CCND2: variants seen among roughly 807,000 people sequenced by gnomAD.
CCND2 encodes the protein cyclin D2.
CCND2 carries 6 observed loss-of-function variants against 30.2 expected under a neutral mutation model. The observed-to-expected ratio is 0.20, with a 90% confidence interval of 0.11 to 0.39. The LOEUF (loss-of-function observed/expected upper bound fraction) is 0.39. Among genes scored for constraint, CCND2 ranks in the 10% least tolerant of loss-of-function variants. The pLI is 1.00. For synonymous variants in CCND2, 150 were observed against 153.1 expected, an observed-to-expected ratio of 0.98 and a Z score of 0.15; for missense variants, 235 against 373.4, an observed-to-expected ratio of 0.63 and a Z score of 3.06.
Position 4,304,927 on chromosome 12 carries a change from C to G in CCND2, c.*4918C>G, listed in dbSNP as rs1326966289. ...TTCATCACCCTTATATCATGTACCTCAGATCTCTCTCTCTCTCCTCTCTCT... is the reference window on the plus strand; with the variant it reads ...TTCATCACCCTTATATCATGTACCTGAGATCTCTCTCTCTCTCCTCTCTCT... On this transcript the variant is annotated 3_prime_UTR_variant, in exon 5 of 5. Coordinates refer to ENST00000261254, the MANE Select transcript of CCND2 (RefSeq NM_001759.4). This position sits in a 1 kb window ranked among gnomAD's most constrained non-coding sequence, Gnocchi z 6.2. 2.1e-5 allele frequency: 5 copies of G among 233,420 alleles called. No individual in the cohort carries two copies. The allele number at this position is 233,420 out of a possible 1,614,324, so 14.5% of individuals were successfully genotyped here.
In CCND2 at chr12:4,288,876, C is replaced by G; in HGVS notation, c.606C>G (p.Ile202Met). ...TTGCCATGTACCCACCGTCGATGAT[C>G]GCAACTGGAAGTGTGGGAGCAGCCA... ...FKFAMYPPSM[I>M]ATGSVGAAIC... The change falls in exon 4 of 5, where the codon ATC (isoleucine) becomes ATG (methionine). Residue 202 changes from isoleucine (I) to methionine (M), a missense_variant. Physicochemically the swap from Ile to Met is conservative, Grantham distance 10 (BLOSUM62 1). Transcript: ENST00000261254. 1.2e-6 allele frequency: 2 copies of G among 1,613,514 alleles called. No homozygotes were observed. The highest frequency in any genetic ancestry group is 2.2e-5 in the East Asian group (1 of 44,756).
intron 4 of CCND2, among the ~76,000 whole-genome samples, chr12:4,291,207 CTGTGTGTGTGTG>C (rs1320194012): frequency 1.5e-4 from 21 of 138,714 alleles, no homozygotes; most frequent in African/African-American, 4.8e-4. Flanking sequence ...CTGGGCTAGG[CTGTGTGTGTGTG>C]TGTGTGTGTG....
At chr12:4,290,172 C>T (rs1331705037) in intron 4 of CCND2, among the ~76,000 whole-genome samples, 2 of 152,234 alleles carry the variant, frequency 1.3e-5, no homozygotes, top group African/African-American at 4.8e-5. Flanking sequence ...GAGCCCACGG[C>T]TGCAGCTCGC....
chr12:4,291,010 C>T (rs1281758613), intron 4 of CCND2, among the ~76,000 whole-genome samples: 2 of 152,154 alleles, frequency 1.3e-5, no homozygotes, highest in African/African-American at 4.8e-5. Context: ...GCCTCATTCA[C>T]ACCGGTGGAC....
At chr12:4,295,610 CTA>C (rs1221379183) in intron 4 of CCND2, among the ~76,000 whole-genome samples, 1 of 152,160 alleles carries the variant, frequency 6.6e-6, no homozygotes, top group Non-Finnish European at 1.5e-5. Context: ...AACCCTGTCT[CTA>C]TTAAAAATAC....
intron 4 of CCND2, 58 bp downstream of exon 4, chr12:4,289,048 GA>G: frequency 6.7e-7 from 1 of 1,483,968 alleles, no homozygotes. Flanking sequence ...CTCAGGGAAG[GA>G]GACGACGGAT....
chr12:4,305,087 CTGTT>C lies in CCND2; in HGVS notation c.*5081_*5084del, dbSNP rs1388301366. 3 of 231,750 alleles carry C rather than the reference CTGTT, an allele frequency of 1.3e-5. No homozygotes were observed. The highest frequency in any genetic ancestry group is 6.1e-5 in the East Asian group (1 of 16,482). The allele number at this position is 231,750 out of a possible 1,614,324, so 14.4% of individuals were successfully genotyped here. A position where few individuals can be genotyped will look rare whatever the true frequency, so the allele number is the denominator to read the frequency against. Reference sequence around the variant, plus strand: ...TGTACTCTATAAGAGGTGTGGGTGTCTGTTTGGTCAGGATGTTAGAAAGTGCTGA... The same window carrying C: ...TGTACTCTATAAGAGGTGTGGGTGTCTGGTCAGGATGTTAGAAAGTGCTGA... On this transcript the variant is annotated 3_prime_UTR_variant, in exon 5 of 5. Transcript: ENST00000261254. This position sits in a 1 kb window ranked among gnomAD's most constrained non-coding sequence, Gnocchi z 6.4.
intron 4 of CCND2, among the ~76,000 whole-genome samples, chr12:4,296,628 A>G (rs1240535733): frequency 1.3e-5 from 2 of 152,030 alleles, no homozygotes; most frequent in Admixed American, 1.3e-4. Context: ...ATGGACAGGT[A>G]TTCAGTTGGG....
Position 4,304,199 on chromosome 12 carries a change from C to T in CCND2, c.*4190C>T, listed in dbSNP as rs901108394. 3 of 233,422 alleles carry T rather than the reference C, an allele frequency of 1.3e-5. No individual in the cohort carries two copies. Among genetic ancestry groups the T allele is most frequent in the Non-Finnish European group, 2.5e-5 (3 of 117,992 alleles). The allele number at this position is 233,422 out of a possible 1,614,324, so 14.5% of individuals were successfully genotyped here. ...TTATGTCATGTAAATAATTGATTTT[C>T]TAGTTCAAGAAGATAATATTGGTAG... On this transcript the variant is annotated 3_prime_UTR_variant, in exon 5 of 5. Coordinates refer to ENST00000261254, the MANE Select transcript of CCND2 (RefSeq NM_001759.4). The surrounding 1 kb of genome is among the most constrained non-coding windows in gnomAD (Gnocchi z 6.2).
chr12:4,273,849 C>A lies in CCND2; in HGVS notation c.-192C>A. The A allele has an allele frequency of 1.6e-6, 1 of 622,592 alleles. No homozygotes were observed. Among genetic ancestry groups the A allele is most frequent in the Non-Finnish European group, 2.8e-6 (1 of 358,074 alleles). 38.6% of individuals were successfully genotyped at this position (622,592 alleles called of 1,614,324 possible). A position where few individuals can be genotyped will look rare whatever the true frequency, so the allele number is the denominator to read the frequency against. On this transcript the variant is annotated 5_prime_UTR_variant, in exon 1 of 5. Transcript: ENST00000261254. The surrounding 1 kb of genome is among the most constrained non-coding windows in gnomAD (Gnocchi z 5.9). ...GAGGCAGCCCCGAGGCTCTGCTCGC[C>A]CACCACCCAATCCTCGCCTCCCTTC...
In CCND2 at chr12:4,274,069, C is replaced by G; in HGVS notation, c.29C>G (p.Pro10Arg). Residue 10 changes from proline to arginine, a missense_variant, in exon 1 of 5, where the codon CCG becomes CGG. Coordinates refer to ENST00000261254, the MANE Select transcript of CCND2 (RefSeq NM_001759.4). The surrounding 1 kb of genome is among the most constrained non-coding windows in gnomAD (Gnocchi z 7.7). Reference protein sequence around the residue: MELLCHEVDPVRRAVRDRNL... With the variant: MELLCHEVDRVRRAVRDRNL... Reference sequence around the variant, plus strand: ...GAGCTGCTGTGCCACGAGGTGGACCCGGTCCGCAGGGCCGTGCGGGACCGC... The same window carrying G: ...GAGCTGCTGTGCCACGAGGTGGACCGGGTCCGCAGGGCCGTGCGGGACCGC... 1 of 1,612,692 alleles carries G rather than the reference C, an allele frequency of 6.2e-7. No individual in the cohort carries two copies. Among genetic ancestry groups the G allele is most frequent in the Non-Finnish European group, 8.5e-7 (1 of 1,179,538 alleles).
chr12:4,298,143 T>G (rs547410536), intron 4 of CCND2, among the ~76,000 whole-genome samples: 2 of 152,330 alleles, frequency 1.3e-5, no homozygotes, highest in Admixed American at 1.3e-4. Flanking sequence ...CTCTGATTAT[T>G]TTGTGGGGAA....
intron 4 of CCND2, among the ~76,000 whole-genome samples, chr12:4,290,271 C>T (rs1182659896): frequency 6.6e-6 from 1 of 152,176 alleles, no homozygotes; most frequent in Non-Finnish European, 1.5e-5. Flanking sequence ...GGAGCAAATC[C>T]GGGGTCCTCC....
In CCND2 at chr12:4,285,528, A is replaced by G. The variant is rs1388086264; in HGVS notation, c.572-3314A>G. ...ACAGAACAGCTTTTATTTTCCGTGC[A>G]TCCTTCCAGTTCATCCATAGGCATA... On this transcript the variant is annotated intron_variant, in intron 3 of 4. Coordinates refer to ENST00000261254, the MANE Select transcript of CCND2 (RefSeq NM_001759.4). The surrounding 1 kb of genome is among the most constrained non-coding windows in gnomAD (Gnocchi z 4.1). The G allele has an allele frequency of 1.8e-6, 1 of 567,246 alleles. No individual in the cohort carries two copies. The highest frequency in any genetic ancestry group is 2.2e-6 in the Non-Finnish European group (1 of 448,214). The allele number at this position is 567,246 out of a possible 1,614,324, so 35.1% of individuals were successfully genotyped here.
chr12:4,289,015 T>TA, intron 4 of CCND2, 25 bp downstream of exon 4: 1 of 1,597,852 alleles, frequency 6.3e-7, no homozygotes, highest in Non-Finnish European at 8.5e-7. Context: ...CCTTCTTGGC[T>TA]AAGTCCAGAT....
chr12:4,291,979 A>C (rs1864107253), intron 4 of CCND2, among the ~76,000 whole-genome samples: 1 of 152,178 alleles, frequency 6.6e-6, no homozygotes, highest in Non-Finnish European at 1.5e-5. Flanking sequence ...TTAGTGTTTA[A>C]TGCGTACGGA....
intron 3 of CCND2, among the ~76,000 whole-genome samples, chr12:4,281,902 C>G (rs1296247977): frequency 2.6e-5 from 4 of 151,148 alleles, no homozygotes; most frequent in Non-Finnish European, 5.9e-5. Context: ...AGAGCAAGGG[C>G]CGCAAGCTGC....
At chr12:4,295,827 A>C (rs1256922260) in intron 4 of CCND2, among the ~76,000 whole-genome samples, 1 of 152,244 alleles carries the variant, frequency 6.6e-6, no homozygotes, top group Non-Finnish European at 1.5e-5. Flanking sequence ...TTTGGATTGA[A>C]ATTAAAATGT....
At chr12:4,275,964 C>T (rs781149672) in intron 1 of CCND2, 41 bp from the exon 2 acceptor site, 2 of 1,215,988 alleles carry the variant, frequency 1.6e-6, no homozygotes, top group Admixed American at 2.2e-5. Context: ...ATGCTATGCT[C>T]TCCACCCCCG....
Sources: gnomAD v4.1 joint callset for allele counts (sites outside exome capture counted in the v4.1 genomes callset) on GRCh38, gnomAD v4.1.1 for gene constraint, Gnocchi (gnomAD v3.1) non-coding constraint, MANE v1.5 for transcripts, NCBI Gene and HGNC (gene_info 2026-07-23, HGNC 2026-07-21) for gene names.